The following ALOX15B variants were observed in gnomAD, a reference collection of about 807,000 sequenced individuals.
ALOX15B encodes polyunsaturated fatty acid lipoxygenase ALOX15B.
ALOX15B carries 74 observed loss-of-function variants against 73.8 expected under a neutral mutation model. The observed-to-expected ratio is 1.00, with a 90% CI of 0.83 to 1.22. The LOEUF is 1.22. ALOX15B is among the 50% of genes most tolerant of loss of function. The probability of loss-of-function intolerance (pLI) is 0.00; values close to 1 mark genes in which losing one functional copy is unlikely to be tolerated. For missense variants in ALOX15B, 896 were observed against 859.9 expected, an observed-to-expected ratio of 1.04 and a Z score of -0.52; for synonymous variants, 353 against 357.2, an observed-to-expected ratio of 0.99 and a Z score of 0.13.
At position 8,047,232 on chromosome 17, in the gene ALOX15B, T is replaced by G; in HGVS notation, c.1458-26T>G. ...CTCAGAGCGGGTCGGGGTTGGAGGCTGGACCTGAACCTGGATGCATTGCAG... is the reference window on the plus strand; with the variant it reads ...CTCAGAGCGGGTCGGGGTTGGAGGCGGGACCTGAACCTGGATGCATTGCAG... On this transcript the variant is annotated intron_variant, in intron 10 of 13. Transcript: ENST00000380183. 3 of 1,613,870 alleles carry G rather than the reference T, an allele frequency of 1.9e-6. No homozygotes were observed. The South Asian group carries it at 3.3e-5, about 18-fold the overall frequency.
At chr17:8,041,761 G>A (rs11655828) in intron 3 of ALOX15B, among the ~76,000 whole-genome samples, 45,866 of 152,060 alleles carry the variant, frequency 0.3, 7,605 homozygotes, top group Non-Finnish European at 0.38. Context: ...GAGATGCCTC[G>A]GGCGGCTCCC....
At chr17:8,044,442 G>A (rs1423899581) in intron 5 of ALOX15B, among the ~76,000 whole-genome samples, 1 of 147,348 alleles carries the variant, frequency 6.8e-6, no homozygotes, top group East Asian at 2.0e-4. Flanking sequence ...AAAAAAAAAA[G>A]GAAAGAAAAA....
At position 8,048,597 on chromosome 17, in the gene ALOX15B, C is replaced by A. The variant is rs1427926199; in HGVS notation, c.*32C>A. On this transcript the variant is annotated 3_prime_UTR_variant, in exon 14 of 14. Coordinates refer to ENST00000380183, the MANE Select transcript of ALOX15B (RefSeq NM_001141.3). ...GGGGAACACAGGCCCAGATGACATCCCTTTGACCACATCGCTCTAGGATAA... is the reference window on the plus strand; with the variant it reads ...GGGGAACACAGGCCCAGATGACATCACTTTGACCACATCGCTCTAGGATAA... 5 of 1,599,010 alleles carry A rather than the reference C, an allele frequency of 3.1e-6. No individual in the cohort carries two copies. Among genetic ancestry groups the A allele is most frequent in the Non-Finnish European group, 4.3e-6 (5 of 1,171,278 alleles).
chr17:8,043,714 A>G (rs1380058200), intron 5 of ALOX15B, among the ~76,000 whole-genome samples: 2 of 152,094 alleles, frequency 1.3e-5, no homozygotes, highest in Non-Finnish European at 2.9e-5. Flanking sequence ...GGGTGGACCG[A>G]GAGGTACTCA....
intron 3 of ALOX15B, among the ~76,000 whole-genome samples, chr17:8,041,792 G>C (rs1598162306): frequency 6.6e-6 from 1 of 152,220 alleles, no homozygotes; most frequent in Admixed American, 6.5e-5. Flanking sequence ...GAAGGCTGAA[G>C]TGCCTCTCTA....
At position 8,045,474 on chromosome 17, in the gene ALOX15B, T is replaced by A; in HGVS notation, c.997-9T>A. 1 of 1,613,562 alleles carries A rather than the reference T, an allele frequency of 6.2e-7. No individual in the cohort carries two copies. The highest frequency in any genetic ancestry group is 8.5e-7 in the Non-Finnish European group (1 of 1,179,874). The stretch of plus-strand genomic sequence containing the variant: ...ATGGCTGCCTCTCTCCCCACCTGCC[T>A]CCCCCCAGCTCAGCCAGACCCCCGG... On this transcript the variant is annotated splice_polypyrimidine_tract_variant and intron_variant, in intron 7 of 13. Coordinates refer to ENST00000380183, the MANE Select transcript of ALOX15B (RefSeq NM_001141.3).
chr17:8,046,656 C>G lies in ALOX15B; in HGVS notation c.1201-12C>G. On this transcript the variant is annotated splice_polypyrimidine_tract_variant and intron_variant, in intron 8 of 13. Transcript: ENST00000380183. ...AGGCCTCCCCTAGCTCTGCCATTTT[C>G]CTGCCATGCAGCTGCTGATCCCGCA... 6.2e-7 allele frequency: 1 copy of G among 1,612,228 alleles called. No individual in the cohort carries two copies. Among genetic ancestry groups the G allele is most frequent in the Non-Finnish European group, 8.5e-7 (1 of 1,179,218 alleles).
Position 8,042,904 on chromosome 17 carries a change from G to T in ALOX15B, c.676+20G>T. The stretch of plus-strand genomic sequence containing the variant: ...CAGCTGGTGAGGAGCTTGGGCCAGG[G>T]ATCCTGACCTCTTTCCTGGGGCATC... On this transcript the variant is annotated intron_variant, in intron 5 of 13. Coordinates refer to ENST00000380183, the MANE Select transcript of ALOX15B (RefSeq NM_001141.3). 6.5e-7 allele frequency: 1 copy of T among 1,536,752 alleles called. No homozygotes were observed. The highest frequency in any genetic ancestry group is 8.8e-7 in the Non-Finnish European group (1 of 1,133,850).
intron 8 of ALOX15B, among the ~76,000 whole-genome samples, chr17:8,046,370 G>A (rs1009736807): frequency 6.6e-6 from 1 of 152,156 alleles, no homozygotes; most frequent in African/African-American, 2.4e-5. Flanking sequence ...CCTGCCTAGG[G>A]GCTAGGAAAT....
intron 5 of ALOX15B, among the ~76,000 whole-genome samples, chr17:8,044,333 G>A (rs751089940): frequency 6.6e-6 from 1 of 150,602 alleles, no homozygotes; most frequent in Non-Finnish European, 1.5e-5. Flanking sequence ...GAGGCAGGAG[G>A]ATCGGTTGAA....
chr17:8,045,408 G>T (rs755520929), intron 7 of ALOX15B, 24 bp downstream of exon 7: 1 of 1,613,778 alleles, frequency 6.2e-7, no homozygotes, highest in Admixed American at 1.7e-5. Flanking sequence ...CAGGGGCAGG[G>T]CAGCGTGAAG....
chr17:8,040,802 C>T (rs184746201), intron 3 of ALOX15B, among the ~76,000 whole-genome samples: 12 of 152,296 alleles, frequency 7.9e-5, no homozygotes, highest in Non-Finnish European at 1.5e-4. Flanking sequence ...AACTCACCCT[C>T]CAGGGCTAGC....
intron 5 of ALOX15B, among the ~76,000 whole-genome samples, chr17:8,044,107 GGA>G (rs1348119913): frequency 8.5e-5 from 8 of 94,634 alleles, no homozygotes; most frequent in African/African-American, 3.3e-4. Context: ...GAGAGAGAGA[GGA>G]AGGAAGGAAG....
chr17:8,046,531 C>G, intron 8 of ALOX15B, 137 bp from the exon 9 acceptor site: 1 of 850,528 alleles, frequency 1.2e-6, no homozygotes, highest in South Asian at 1.6e-5. Flanking sequence ...AGGGCTCAGA[C>G]CCCTGTCCCA....
intron 4 of ALOX15B, 46 bp from the exon 5 acceptor site, chr17:8,042,735 T>A (rs1354424443): frequency 6.6e-7 from 1 of 1,506,912 alleles, no homozygotes; most frequent in South Asian, 1.2e-5. Context: ...GGGAAGGGTC[T>A]CCCAGGGCCT....
chr17:8,048,328 G>A (rs1395941203), intron 13 of ALOX15B, 58 bp from the exon 14 acceptor site: 9 of 1,556,104 alleles, frequency 5.8e-6, no homozygotes, highest in African/African-American at 1.4e-5. Flanking sequence ...TGGGGACCAG[G>A]AGTCTGGGAT....
intron 8 of ALOX15B, 141 bp downstream of exon 8, chr17:8,045,827 C>T (rs1386567582): frequency 2.2e-6 from 2 of 909,658 alleles, no homozygotes; most frequent in Non-Finnish European, 3.4e-6. Flanking sequence ...GGCACAACTC[C>T]CCTGGAAGCC....
At position 8,047,803 on chromosome 17, in the gene ALOX15B, C is replaced by G; in HGVS notation, c.1739C>G (p.Thr580Ser). ...CCCAGCATGCAGCTGCCACCACCCA[C>G]CTCCAAAGGCCTGGCAACATGCGAG... ...LPPSMQLPPP[T>S]SKGLATCEGF... The change falls in exon 13 of 14, where the codon ACC becomes AGC. Residue 580 changes from threonine to serine, a missense_variant. By Grantham distance (58) the Thr-to-Ser change is moderately conservative. Coordinates refer to ENST00000380183, the MANE Select transcript of ALOX15B (RefSeq NM_001141.3). 1.2e-6 allele frequency: 2 copies of G among 1,614,220 alleles called. No homozygotes were observed. The highest frequency in any genetic ancestry group is 1.7e-6 in the Non-Finnish European group (2 of 1,180,036).
rs373758958 is a variant in ALOX15B at position 8,047,473 on chromosome 17, G to A, written c.1580-91G>A. On this transcript the variant is annotated intron_variant, in intron 11 of 13. Transcript: ENST00000380183. ...CACGCATTTGAGTGGCCCCGTCCCCGTGTCCCCCACCCTCAAGGCTCACCC... is the reference window on the plus strand; with the variant it reads ...CACGCATTTGAGTGGCCCCGTCCCCATGTCCCCCACCCTCAAGGCTCACCC... 8.2e-5 allele frequency: 115 copies of A among 1,406,544 alleles called. 2 individuals are homozygous for A. The highest frequency in any genetic ancestry group is 6.4e-4 in the African/African-American group (42 of 65,466). The allele number at this position is 1,406,544 out of a possible 1,614,324, so 87.1% of individuals were successfully genotyped here.
Sources: gnomAD v4.1 joint callset for allele counts (sites outside exome capture counted in the v4.1 genomes callset) on GRCh38, gnomAD v4.1.1 for gene constraint, MANE v1.5 for transcripts, NCBI Gene and HGNC (gene_info 2026-07-23, HGNC 2026-07-21) for gene names.